STARD8: variants seen among roughly 807,000 people sequenced by gnomAD.
STARD8 encodes StAR related lipid transfer domain containing 8, also known as stAR-related lipid transfer protein 8.
STARD8 carries 25 observed loss-of-function variants against 69.4 expected under a neutral mutation model. The ratio of observed to expected loss-of-function variants is 0.36; its 90% confidence interval spans 0.26 to 0.50. STARD8 has a LOEUF of 0.50. Ranked by LOEUF, STARD8 falls within the 20% of genes least tolerant of loss-of-function variation. STARD8 has a pLI of 0.96. For missense variants in STARD8, 921 were observed against 932.5 expected, an observed-to-expected ratio of 0.99 and a Z score of 0.16; for synonymous variants, 389 against 374.6, an observed-to-expected ratio of 1.04 and a Z score of -0.45.
chrX:68,670,581 G>T (rs12013191), intron 2 of STARD8, among the ~76,000 whole-genome samples: 2,828 of 110,833 alleles, frequency 0.026, 93 homozygotes, highest in African/African-American at 0.088. Flanking sequence ...TAGCCTAGAT[G>T]ACCATTTTCA....
intron 1 of STARD8, among the ~76,000 whole-genome samples, chrX:68,653,247 A>C (rs1219912207): frequency 9.4e-5 from 2 of 21,249 alleles, no homozygotes; most frequent in African/African-American, 1.8e-4. Context: ...CACACACACC[A>C]CACATACACC....
In STARD8 at chrX:68,718,030, G is replaced by A. The variant is rs371143044; in HGVS notation, c.1116G>A (p.Glu372=). 32 of 1,209,130 alleles carry A rather than the reference G, an allele frequency of 2.6e-5. No homozygotes were observed. The African/African-American group carries it at 4.4e-4, about 17-fold the overall frequency. The change falls in exon 6 of 15, where the codon GAG becomes GAA. Residue 372 remains glutamate, a synonymous_variant. Coordinates refer to ENST00000374599, the MANE Select transcript of STARD8 (RefSeq NM_001142503.3). ...YPAEPVMVGA[E]AEDEDDEESG... ...CTGAGCCTGTAATGGTTGGGGCTGA[G>A]GCTGAAGATGAAGATGATGAGGAGA...
chrX:68,653,292 A>AC (rs2079580967), intron 1 of STARD8, among the ~76,000 whole-genome samples: 1 of 54,133 alleles, frequency 1.8e-5, no homozygotes. Flanking sequence ...CACACACCAC[A>AC]CACCACACAC....
At chrX:68,700,057 A>AG (rs1422037511) in intron 2 of STARD8, among the ~76,000 whole-genome samples, 1 of 111,465 alleles carries the variant, frequency 9.0e-6, no homozygotes, top group Admixed American at 9.5e-5. Context: ...GGAGTTGGTC[A>AG]GGGGTGGGTG....
At position 68,702,833 on chromosome X, in the gene STARD8, AT is replaced by A. The variant is rs199554708; in HGVS notation, c.80-10080del. ...AAAAACTTAAAGAAATGTCTGGGAT[AT>A]AATAATGGCTCAGTACAAAGTCCAT... On this transcript the variant is annotated intron_variant, in intron 2 of 14. Coordinates refer to ENST00000374599, the MANE Select transcript of STARD8 (RefSeq NM_001142503.3). Among the ~76,000 whole-genome samples, 1,026 of 112,118 alleles carry A rather than the reference AT, an allele frequency of 9.2e-3. 10 individuals are homozygous for A. The highest frequency in any genetic ancestry group is 0.031 in the African/African-American group (969 of 30,786).
Position 68,717,251 on chromosome X carries a change from A to G in STARD8, c.337A>G (p.Ser113Gly). 1 of 1,203,719 alleles carries G rather than the reference A, an allele frequency of 8.3e-7. No individual in the cohort carries two copies. The highest frequency in any genetic ancestry group is 1.1e-6 in the Non-Finnish European group (1 of 891,502). ...AGAGGAAGAGCAGTGTACCATCAGTAGCCACTGGGCCTTCCAGCAGGAAAG... is the reference window on the plus strand; with the variant it reads ...AGAGGAAGAGCAGTGTACCATCAGTGGCCACTGGGCCTTCCAGCAGGAAAG... ...SEEEEQCTISSHWAFQQESKC... is the reference protein window; with the variant it reads ...SEEEEQCTISGHWAFQQESKC... The change falls in exon 6 of 15, where the codon AGC (serine) becomes GGC (glycine). Residue 113 changes from serine to glycine, a missense_variant. By Grantham distance (56) the Ser-to-Gly change is moderately conservative. Transcript: ENST00000374599.
chrX:68,724,376 A>T lies in STARD8; in HGVS notation c.3266A>T (p.Asp1089Val), dbSNP rs1297227143. The T allele has an allele frequency of 8.3e-7, 1 of 1,205,023 alleles. No individual in the cohort carries two copies. Among genetic ancestry groups the T allele is most frequent in the Non-Finnish European group, 1.1e-6 (1 of 892,557 alleles). Residue 1089 changes from aspartate (D) to valine (V), a missense_variant, in exon 15 of 15, where the codon GAC becomes GTC. Asp to Val is a radical substitution (Grantham distance 152). Coordinates refer to ENST00000374599, the MANE Select transcript of STARD8 (RefSeq NM_001142503.3). Reference protein sequence around the residue: ...LCAMEVAKIRDSFPTLQAAGP... With the variant: ...LCAMEVAKIRVSFPTLQAAGP... The stretch of plus-strand genomic sequence containing the variant: ...GCCATGGAAGTGGCAAAGATCCGGG[A>T]CTCCTTCCCCACCCTGCAGGCAGCG...
intron 1 of STARD8, among the ~76,000 whole-genome samples, chrX:68,660,600 G>A (rs1365736073): frequency 8.9e-6 from 1 of 112,412 alleles, no homozygotes; most frequent in African/African-American, 3.2e-5. Flanking sequence ...CTACTCAGCT[G>A]TCTCTGAACT....
At position 68,676,033 on chromosome X, in the gene STARD8, G is replaced by T. The variant is rs776277645; in HGVS notation, c.79+10501G>T. 1.9e-4 allele frequency among the ~76,000 whole-genome samples: 21 copies of T among 112,132 alleles called. No homozygotes were observed. In the Admixed American group the frequency reaches 1.9e-3, roughly 10 times the overall value. On this transcript the variant is annotated intron_variant, in intron 2 of 14. Transcript: ENST00000374599. The stretch of plus-strand genomic sequence containing the variant: ...CCTCAGGTCCTTTGAGCTCCTACAC[G>T]CTGTATTTAAGACTTTTTTGGGCCT...
At chrX:68,691,361 C>T (rs1406982067) in intron 2 of STARD8, among the ~76,000 whole-genome samples, 1 of 111,348 alleles carries the variant, frequency 9.0e-6, no homozygotes, top group East Asian at 2.8e-4. Context: ...AGAAATGGGC[C>T]TGTGAAAAGA....
intron 2 of STARD8, among the ~76,000 whole-genome samples, chrX:68,669,015 T>C (rs953892374): frequency 9.0e-6 from 1 of 111,472 alleles, no homozygotes; most frequent in African/African-American, 3.3e-5. Flanking sequence ...AACACAGAGC[T>C]AGCGGTAGTA....
chrX:68,653,950 A>G lies in STARD8; in HGVS notation c.45+6023A>G, dbSNP rs925039796. 3.6e-5 allele frequency among the ~76,000 whole-genome samples: 4 copies of G among 112,151 alleles called. No homozygotes were observed. In the East Asian group the frequency reaches 1.1e-3, roughly 32 times the overall value. ...GCTTCAGGTGGGCATATCAGGTCCT[A>G]GAGGGCACTGGCTTGGGAGGTGGGA... On this transcript the variant is annotated intron_variant, in intron 1 of 14. Transcript: ENST00000374599.
At position 68,716,385 on chromosome X, in the gene STARD8, A is replaced by T; in HGVS notation, c.251A>T (p.Asn84Ile). Residue 84 changes from asparagine to isoleucine, a missense_variant, in exon 5 of 15, where the codon AAT becomes ATT. Asn to Ile is a moderately radical substitution (Grantham distance 149). Transcript: ENST00000374599. ...TGTTACAGGAGGCTGATGACCTTGA[A>T]TAATTGTGCCTCGATGAAACTGGAG... ...GALCRRLMTLNNCASMKLEVH... is the reference protein window; with the variant it reads ...GALCRRLMTLINCASMKLEVH... 8.3e-7 allele frequency: 1 copy of T among 1,211,102 alleles called. No individual in the cohort carries two copies.
At chrX:68,654,787 G>A (rs187619507) in intron 1 of STARD8, among the ~76,000 whole-genome samples, 1 of 111,803 alleles carries the variant, frequency 8.9e-6, no homozygotes, top group African/African-American at 3.3e-5. Context: ...CCTTATGTGT[G>A]CTTGCCCATA....
chrX:68,709,519 G>A (rs1056263189), intron 2 of STARD8, among the ~76,000 whole-genome samples: 5 of 111,989 alleles, frequency 4.5e-5, no homozygotes, highest in South Asian at 3.7e-4. Flanking sequence ...TATAAGATGT[G>A]GATGCTGGCT....
At chrX:68,660,080 C>T (rs1222824826) in intron 1 of STARD8, among the ~76,000 whole-genome samples, 1 of 110,772 alleles carries the variant, frequency 9.0e-6, no homozygotes, top group Non-Finnish European at 1.9e-5. Flanking sequence ...CTGTGAGGCC[C>T]ACATACTCCA....
At chrX:68,652,971 AC>A (rs1483340606) in intron 1 of STARD8, among the ~76,000 whole-genome samples, 2 of 13,183 alleles carry the variant, frequency 1.5e-4, no homozygotes, top group African/African-American at 2.3e-4. Context: ...CACACCACAC[AC>A]CACACACCAC....
chrX:68,661,883 T>TTCCC (rs1173197815), intron 1 of STARD8, among the ~76,000 whole-genome samples: 2 of 33,087 alleles, frequency 6.0e-5, no homozygotes, highest in African/African-American at 1.3e-4. Flanking sequence ...TTTCTTTTCC[T>TTCCC]TCCTTCCTTC....
intron 2 of STARD8, among the ~76,000 whole-genome samples, chrX:68,676,538 C>T (rs1189854302): frequency 1.8e-5 from 2 of 112,045 alleles, no homozygotes; most frequent in Non-Finnish European, 1.9e-5. Flanking sequence ...TAGGCTCCCC[C>T]CAAACCCCGT....
Sources: allele counts gnomAD v4.1 joint callset (sites outside exome capture counted in the v4.1 genomes callset), GRCh38; gene constraint gnomAD v4.1.1; transcripts MANE v1.5; gene names NCBI Gene and HGNC (gene_info 2026-07-23, HGNC 2026-07-21).